Variants in HTR1F observed in about 807,000 individuals in gnomAD.
HTR1F encodes the protein 5-hydroxytryptamine (serotonin) receptor 1F, G protein-coupled.
HTR1F carries 17 observed loss-of-function variants against 24.0 expected under a neutral mutation model. The ratio of observed to expected loss-of-function variants is 0.71; its 90% CI spans 0.48 to 1.06. The LOEUF (loss-of-function observed/expected upper bound fraction) is 1.06. HTR1F is among the 50% of genes least tolerant of loss of function. The probability of loss-of-function intolerance (pLI) is 0.00; values close to 1 mark genes in which losing one functional copy is unlikely to be tolerated. For synonymous variants in HTR1F, 186 were observed against 156.8 expected (o/e 1.19, Z -1.39); for missense variants, 391 against 427.8 (o/e 0.91, Z 0.76).
At chr3:87,988,713 C>T (rs988270487) in intron 2 of HTR1F, among the ~76,000 whole-genome samples, 5 of 151,338 alleles carry the variant, frequency 3.3e-5, no homozygotes, top group African/African-American at 9.7e-5. Context: ...GGACTACAGG[C>T]GTGTGCCACC....
At chr3:87,872,151 A>G (rs996849411) in intron 2 of HTR1F, among the ~76,000 whole-genome samples, 1 of 152,198 alleles carries the variant, frequency 6.6e-6, no homozygotes, top group Non-Finnish European at 1.5e-5. Flanking sequence ...ATACTCTTGA[A>G]CAACCAATAA....
chr3:87,931,256 T>A (rs1576047794), intron 2 of HTR1F, among the ~76,000 whole-genome samples: 1 of 151,898 alleles, frequency 6.6e-6, no homozygotes, highest in Non-Finnish European at 1.5e-5. Context: ...TGTCCATGTG[T>A]TCTCATTGTT....
intron 2 of HTR1F, among the ~76,000 whole-genome samples, chr3:87,850,350 TCGC>T (rs1705055986): frequency 6.6e-6 from 1 of 151,684 alleles, no homozygotes; most frequent in African/African-American, 2.4e-5. Context: ...CAGCAAACTA[TCGC>T]AAGGACAAAA....
At chr3:87,871,453 A>G (rs1321919395) in intron 2 of HTR1F, among the ~76,000 whole-genome samples, 6 of 152,120 alleles carry the variant, frequency 3.9e-5, no homozygotes, top group South Asian at 4.1e-4. Flanking sequence ...CAGAAGTCCC[A>G]GGAGGAAAAG....
intron 2 of HTR1F, among the ~76,000 whole-genome samples, chr3:87,849,440 C>T (rs1246211024): frequency 1.3e-5 from 2 of 151,792 alleles, no homozygotes; most frequent in Non-Finnish European, 2.9e-5. Flanking sequence ...TTTCTTACAC[C>T]TTCTACAAAA....
At chr3:87,918,457 T>C (rs757816087) in intron 2 of HTR1F, among the ~76,000 whole-genome samples, 1 of 152,050 alleles carries the variant, frequency 6.6e-6, no homozygotes, top group Non-Finnish European at 1.5e-5. Context: ...GATGATTTGA[T>C]CATTTACCTA....
At chr3:87,971,626 T>A (rs1314746705) in intron 2 of HTR1F, among the ~76,000 whole-genome samples, 1 of 152,054 alleles carries the variant, frequency 6.6e-6, no homozygotes. Context: ...AATTTTAGAG[T>A]CTCTCCAAAC....
At chr3:87,872,331 T>C (rs914919825) in intron 2 of HTR1F, among the ~76,000 whole-genome samples, 43 of 152,070 alleles carry the variant, frequency 2.8e-4, no homozygotes, top group African/African-American at 1.0e-3. Flanking sequence ...ACAACCTGAC[T>C]TATTTTCTAT....
At chr3:87,909,239 T>G (rs1355810263) in intron 2 of HTR1F, among the ~76,000 whole-genome samples, 1 of 152,028 alleles carries the variant, frequency 6.6e-6, no homozygotes, top group Non-Finnish European at 1.5e-5. Flanking sequence ...GGTCAAATCA[T>G]GTTGAACATG....
chr3:87,881,614 A>T (rs1360660328), intron 2 of HTR1F, among the ~76,000 whole-genome samples: 1 of 152,232 alleles, frequency 6.6e-6, no homozygotes, highest in Non-Finnish European at 1.5e-5. Flanking sequence ...TGGGGAAAGG[A>T]TTCCCTATTT....
intron 2 of HTR1F, among the ~76,000 whole-genome samples, chr3:87,957,192 T>C (rs541134373): frequency 9.6e-4 from 145 of 151,430 alleles, no homozygotes; most frequent in African/African-American, 3.4e-3. Context: ...TGGACTTTTT[T>C]TCTGATTCCA....
chr3:87,983,304 G>A (rs1705592774), intron 2 of HTR1F, among the ~76,000 whole-genome samples: 1 of 152,164 alleles, frequency 6.6e-6, no homozygotes, highest in African/African-American at 2.4e-5. Context: ...CATATACATG[G>A]CAAATATAGG....
chr3:87,976,559 T>C (rs1000855960), intron 2 of HTR1F, among the ~76,000 whole-genome samples: 1 of 152,198 alleles, frequency 6.6e-6, no homozygotes, highest in Non-Finnish European at 1.5e-5. Context: ...CTTTTGAACA[T>C]CACAACAGCT....
At chr3:87,933,961 T>C (rs1208730313) in intron 2 of HTR1F, among the ~76,000 whole-genome samples, 2 of 152,196 alleles carry the variant, frequency 1.3e-5, no homozygotes, top group Non-Finnish European at 2.9e-5. Context: ...ATTGGCATCA[T>C]TTTCTATATT....
intron 2 of HTR1F, among the ~76,000 whole-genome samples, chr3:87,897,323 A>G (rs1706221998): frequency 6.6e-6 from 1 of 151,346 alleles, no homozygotes; most frequent in Admixed American, 6.6e-5. Flanking sequence ...ACATAATGCT[A>G]AGTGAAATAA....
At chr3:87,989,808 A>C (rs969690472) in intron 2 of HTR1F, among the ~76,000 whole-genome samples, 2 of 152,242 alleles carry the variant, frequency 1.3e-5, no homozygotes, top group African/African-American at 4.8e-5. Flanking sequence ...AACGAGATGC[A>C]GATGAACTGG....
chr3:87,863,695 A>G (rs542477353), intron 2 of HTR1F, among the ~76,000 whole-genome samples: 3 of 152,246 alleles, frequency 2.0e-5, no homozygotes, highest in Non-Finnish European at 4.4e-5. Context: ...TCCATCTTTC[A>G]TATATTGCCC....
At chr3:87,877,516 A>C (rs1223544511) in intron 2 of HTR1F, among the ~76,000 whole-genome samples, 1 of 151,718 alleles carries the variant, frequency 6.6e-6, no homozygotes, top group African/African-American at 2.4e-5. Context: ...AATGATGATT[A>C]AGTTATTACA....
At chr3:87,865,367 T>C (rs1248070727) in intron 2 of HTR1F, among the ~76,000 whole-genome samples, 1 of 152,144 alleles carries the variant, frequency 6.6e-6, no homozygotes, top group Non-Finnish European at 1.5e-5. Flanking sequence ...TACCACTTGA[T>C]GAATTTTTCT....
Sources: allele counts gnomAD v4.1 joint callset (sites outside exome capture counted in the v4.1 genomes callset), GRCh38; gene constraint gnomAD v4.1.1; transcripts MANE v1.5; gene names NCBI Gene and HGNC (gene_info 2026-07-23, HGNC 2026-07-21).